PSORS1C2: variants seen among roughly 807,000 people sequenced by gnomAD.
The protein encoded by PSORS1C2 is psoriasis susceptibility 1 candidate 2.
Under a neutral mutation model 12.2 loss-of-function variants are expected in PSORS1C2, and 13 were observed. The ratio of observed to expected loss-of-function variants is 1.07; its 90% CI spans 0.70 to 1.70. PSORS1C2 has a LOEUF of 1.70. PSORS1C2 is among the 40% of genes most tolerant of loss of function. The pLI is 0.00. For missense variants in PSORS1C2, 186 were observed against 173.4 expected, an observed-to-expected ratio of 1.07 and a Z score of -0.41; for synonymous variants, 76 against 69.2, an observed-to-expected ratio of 1.10 and a Z score of -0.49.
intron 1 of PSORS1C2, chr6:31,138,508 C>G: frequency 6.2e-7 from 1 of 1,607,680 alleles, no homozygotes; most frequent in Non-Finnish European, 8.5e-7. Context: ...GAACCCCTAC[C>G]CCCGATGGAT....
In PSORS1C2 at chr6:31,138,296, G is replaced by A. The variant is rs751679065; in HGVS notation, c.66C>T (p.Gly22=). Residue 22 remains glycine (G), a synonymous_variant, in exon 2 of 2, where the codon GGC becomes GGT. Coordinates refer to ENST00000259845, the MANE Select transcript of PSORS1C2 (RefSeq NM_014069.3). ...VLCLHTRGIS[G]SEGHPSHPPA... ...GTGGGTGAGAGGGGTGGCCCTCGCTGCCTGAGATGCCTGTAAAGGAGGAAG... is the reference window on the plus strand; with the variant it reads ...GTGGGTGAGAGGGGTGGCCCTCGCTACCTGAGATGCCTGTAAAGGAGGAAG... The A allele has an allele frequency of 1.3e-6, 2 of 1,592,546 alleles. No homozygotes were observed. The highest frequency in any genetic ancestry group is 1.8e-5 in the Admixed American group (1 of 57,028).
At chr6:31,138,333 G>C (rs758146892) in intron 1 of PSORS1C2, 27 bp from the exon 2 acceptor site, 2 of 1,608,078 alleles carry the variant, frequency 1.2e-6, no homozygotes, top group Admixed American at 1.7e-5. Context: ...AGAAAGGTAA[G>C]AGGTGGTGAG....
chr6:31,138,935 C>A, intron 1 of PSORS1C2, 37 bp downstream of exon 1: 2 of 1,610,476 alleles, frequency 1.2e-6, no homozygotes, highest in Non-Finnish European at 8.5e-7. Flanking sequence ...TCCCTCATCA[C>A]CCCAAACTGC....
chr6:31,138,007 C>T lies in PSORS1C2; in HGVS notation c.355G>A (p.Asp119Asn), dbSNP rs577168538. 2.6e-6 allele frequency: 4 copies of T among 1,519,208 alleles called. No homozygotes were observed. The African/African-American group carries it at 5.6e-5, about 21-fold the overall frequency. 94.1% of individuals were successfully genotyped at this position (1,519,208 alleles called of 1,614,324 possible). Residue 119 changes from aspartate to asparagine, a missense_variant, in exon 2 of 2, where the codon GAC becomes AAC. Physicochemically the swap from Asp to Asn is conservative, Grantham distance 23. Coordinates refer to ENST00000259845, the MANE Select transcript of PSORS1C2 (RefSeq NM_014069.3). The stretch of plus-strand genomic sequence containing the variant: ...TCTGGCTCCTCCTGAGGTCGGTTGT[C>T]CACCTCAGGGGCAGGAGGCCAGGGG... ...ENPWPPAPEVDNRPQEEPDLD... is the reference protein window; with the variant it reads ...ENPWPPAPEVNNRPQEEPDLD...
chr6:31,138,276 T>C lies in PSORS1C2; in HGVS notation c.86A>G (p.His29Arg). ...GISGSEGHPS[H>R]PPAEDREEAG... ...CTCCTCTCGGTCCTCTGCGGGTGGG[T>C]GAGAGGGGTGGCCCTCGCTGCCTGA... Residue 29 changes from histidine (H) to arginine (R), a missense_variant, in exon 2 of 2, where the codon CAC (histidine) becomes CGC (arginine). Physicochemically the swap from His to Arg is conservative, Grantham distance 29. Transcript: ENST00000259845. 1 of 1,581,884 alleles carries C rather than the reference T, an allele frequency of 6.3e-7. No individual in the cohort carries two copies.
rs772821853 is a variant in PSORS1C2, at chr6:31,139,012, C to T, written c.15G>A (p.Trp5Ter). 6.2e-7 allele frequency: 1 copy of T among 1,614,098 alleles called. No individual in the cohort carries two copies. The highest frequency in any genetic ancestry group is 1.7e-5 in the Admixed American group (1 of 60,014). The stretch of plus-strand genomic sequence containing the variant: ...AAAGGACCAGGATCCCCAGGAGCTT[C>T]CAGTTGAGGATCATGGCTATGTACT... The part of the protein sequence containing the change: MILN[W>*]KLLGILVLCL... The change falls in exon 1 of 2, where the codon TGG becomes TGA. Residue 5 changes from tryptophan (W) to a stop codon, truncating the protein, a stop_gained. Transcript: ENST00000259845. LOFTEE classifies it high-confidence loss of function. The surrounding 1 kb of genome is among the most constrained non-coding windows in gnomAD (Gnocchi z 5.2).
At position 31,137,907 on chromosome 6, in the gene PSORS1C2, G is replaced by C. The variant is rs370492285; in HGVS notation, c.*44C>G. On this transcript the variant is annotated 3_prime_UTR_variant, in exon 2 of 2. Transcript: ENST00000259845. ...GGAATCAGAGGGTGGAGAGGGCGTGGGTGCCTGGAGATGCCTGGGAACAGA... is the reference window on the plus strand; with the variant it reads ...GGAATCAGAGGGTGGAGAGGGCGTGCGTGCCTGGAGATGCCTGGGAACAGA... 989 of 962,940 alleles carry C rather than the reference G, an allele frequency of 1.0e-3. 2 individuals carry two copies. The highest frequency in any genetic ancestry group is 1.1e-3 in the Non-Finnish European group (747 of 673,958). The allele number at this position is 962,940 out of a possible 1,614,324, so 59.6% of individuals were successfully genotyped here. A position where few individuals can be genotyped will look rare whatever the true frequency, so the allele number is the denominator to read the frequency against.
chr6:31,138,755 A>G (rs763906106), intron 1 of PSORS1C2: 18 of 1,614,108 alleles, frequency 1.1e-5, no homozygotes, highest in Non-Finnish European at 1.4e-5. Flanking sequence ...CGACTTTGCC[A>G]CATGGAGCCA....
chr6:31,138,019 C>A lies in PSORS1C2; in HGVS notation c.343G>T (p.Ala115Ser). Residue 115 changes from alanine to serine, a missense_variant, in exon 2 of 2, where the codon GCC (alanine) becomes TCC (serine). Physicochemically the swap from Ala to Ser is moderately conservative, Grantham distance 99 (BLOSUM62 1). Transcript: ENST00000259845. Reference protein sequence around the residue: ...PQPPENPWPPAPEVDNRPQEE... With the variant: ...PQPPENPWPPSPEVDNRPQEE... The stretch of plus-strand genomic sequence containing the variant: ...TGAGGTCGGTTGTCCACCTCAGGGG[C>A]AGGAGGCCAGGGGTTTTCTGGGGGC... 6.6e-7 allele frequency: 1 copy of A among 1,524,522 alleles called. No individual in the cohort carries two copies. 94.4% of individuals were successfully genotyped at this position (1,524,522 alleles called of 1,614,324 possible).
Position 31,137,666 on chromosome 6 carries a change from G to A in PSORS1C2, c.*285C>T, listed in dbSNP as rs1773211787. ...CCTGCCCCAGCGATCGCGCGGGCAGGAAGACCGGGTGGGAGGTAGGTGCGG... is the reference window on the plus strand; with the variant it reads ...CCTGCCCCAGCGATCGCGCGGGCAGAAAGACCGGGTGGGAGGTAGGTGCGG... On this transcript the variant is annotated 3_prime_UTR_variant, in exon 2 of 2. Transcript: ENST00000259845. 1 of 364,976 alleles carries A rather than the reference G, an allele frequency of 2.7e-6. No individual in the cohort carries two copies. Among genetic ancestry groups the A allele is most frequent in the Non-Finnish European group, 4.9e-6 (1 of 205,390 alleles). 22.6% of individuals were successfully genotyped at this position (364,976 alleles called of 1,614,324 possible). A position where few individuals can be genotyped will look rare whatever the true frequency, so the allele number is the denominator to read the frequency against.
rs1773247637 is a variant in PSORS1C2, at chr6:31,138,134, C to T, written c.228G>A (p.Leu76=). Residue 76 remains leucine, a synonymous_variant, in exon 2 of 2, where the codon CTG becomes CTA. Transcript: ENST00000259845. ...PTRPSRPWRD[L]PETGVWLPEP... is the part of the protein sequence containing the mutation. The stretch of plus-strand genomic sequence containing the variant: ...CAGGGAGCCAGACTCCAGTTTCAGG[C>T]AGGTCTCTCCAGGGACGACTGGGGC... 6.2e-7 allele frequency: 1 copy of T among 1,605,844 alleles called. No individual in the cohort carries two copies. Among genetic ancestry groups the T allele is most frequent in the Non-Finnish European group, 8.5e-7 (1 of 1,176,966 alleles).
intron 1 of PSORS1C2, chr6:31,138,662 A>AGACCCCAGCTTTACAAG (rs1414940258): frequency 5.6e-6 from 9 of 1,613,178 alleles, no homozygotes; most frequent in Non-Finnish European, 6.8e-6. Flanking sequence ...CCAGGCACAC[A>AGACCCCAGCTTTACAAG]GACCCCAGCT....
chr6:31,137,571 A>C lies in PSORS1C2; in HGVS notation c.*380T>G. 1 of 269,326 alleles carries C rather than the reference A, an allele frequency of 3.7e-6. No homozygotes were observed. Among genetic ancestry groups the C allele is most frequent in the Non-Finnish European group, 6.9e-6 (1 of 144,836 alleles). The allele number at this position is 269,326 out of a possible 1,614,324, so 16.7% of individuals were successfully genotyped here. On this transcript the variant is annotated 3_prime_UTR_variant, in exon 2 of 2. Transcript: ENST00000259845. ...GATTTTTATTTTTCCGTTTCATGGA[A>C]GCAGCAGCTGTCTACTGATAGTTCC...
At chr6:31,138,437 A>C in intron 1 of PSORS1C2, 131 bp from the exon 2 acceptor site, 3 of 1,612,522 alleles carry the variant, frequency 1.9e-6, no homozygotes, top group Non-Finnish European at 1.7e-6. Context: ...CAGACCAAAA[A>C]AGTCACTCTC....
rs753976063 is a variant in PSORS1C2, at chr6:31,138,082, G to T, written c.280C>A (p.Pro94Thr). 6.4e-7 allele frequency: 1 copy of T among 1,556,514 alleles called. No individual in the cohort carries two copies. Among genetic ancestry groups the T allele is most frequent in the South Asian group, 1.2e-5 (1 of 85,228 alleles). ...PEPPRTDPPQ[P>T]PRPDDPWPAG... ...GGCCAAGGGTCGTCAGGCCGGGGAGGTTGAGGAGGATCCGTTCTAGGCGGT... is the reference window on the plus strand; with the variant it reads ...GGCCAAGGGTCGTCAGGCCGGGGAGTTTGAGGAGGATCCGTTCTAGGCGGT... The change falls in exon 2 of 2, where the codon CCT (proline) becomes ACT (threonine). Residue 94 changes from proline (P) to threonine (T), a missense_variant. Transcript: ENST00000259845.
chr6:31,138,746 G>T lies in PSORS1C2; in HGVS notation c.55+226C>A, dbSNP rs111892391. On this transcript the variant is annotated intron_variant, in intron 1 of 1. Coordinates refer to ENST00000259845, the MANE Select transcript of PSORS1C2 (RefSeq NM_014069.3). Reference sequence around the variant, plus strand: ...CGTCCCCCCCACGTTAATCCTGACCGACTTTGCCACATGGAGCCAGCAAAC... The same window carrying T: ...CGTCCCCCCCACGTTAATCCTGACCTACTTTGCCACATGGAGCCAGCAAAC... The T allele has an allele frequency of 3.7e-5, 60 of 1,613,992 alleles. No homozygotes were observed. In the African/African-American group the frequency reaches 7.2e-4, roughly 19 times the overall value.
At position 31,137,889 on chromosome 6, in the gene PSORS1C2, G is replaced by A; in HGVS notation, c.*62C>T. On this transcript the variant is annotated 3_prime_UTR_variant, in exon 2 of 2. Transcript: ENST00000259845. ...ATTGGGAAGAATTCACGGGGAATCAGAGGGTGGAGAGGGCGTGGGTGCCTG... is the reference window on the plus strand; with the variant it reads ...ATTGGGAAGAATTCACGGGGAATCAAAGGGTGGAGAGGGCGTGGGTGCCTG... 2 of 724,640 alleles carry A rather than the reference G, an allele frequency of 2.8e-6. No individual in the cohort carries two copies. The highest frequency in any genetic ancestry group is 4.3e-6 in the Non-Finnish European group (2 of 468,360). 44.9% of individuals were successfully genotyped at this position (724,640 alleles called of 1,614,324 possible). A position where few individuals can be genotyped will look rare whatever the true frequency, so the allele number is the denominator to read the frequency against.
chr6:31,138,890 C>A (rs1773308262), intron 1 of PSORS1C2, 82 bp downstream of exon 1: 7 of 1,599,116 alleles, frequency 4.4e-6, no homozygotes, highest in Non-Finnish European at 2.6e-6. Context: ...TGTCCCCAAC[C>A]CCATGCGTCC....
At chr6:31,138,809 G>A in intron 1 of PSORS1C2, 163 bp downstream of exon 1, 1 of 1,613,798 alleles carries the variant, frequency 6.2e-7, no homozygotes, top group East Asian at 2.2e-5. Flanking sequence ...TCTGCACCAT[G>A]TCCCCCACCC....
Sources: allele counts gnomAD v4.1 joint callset, GRCh38; gene constraint gnomAD v4.1.1; non-coding constraint Gnocchi (gnomAD v3.1); transcripts MANE v1.5; gene names NCBI Gene and HGNC (gene_info 2026-07-23, HGNC 2026-07-21).